The following MATK variants were observed in gnomAD, a reference collection of about 807,000 sequenced individuals.
MATK encodes the protein megakaryocyte-associated tyrosine kinase, also known as megakaryocyte-associated tyrosine-protein kinase.
A neutral mutation model predicts 59.8 loss-of-function variants in MATK; 41 were observed. The ratio of observed to expected loss-of-function variants is 0.69; its 90% confidence interval spans 0.53 to 0.89. The LOEUF (loss-of-function observed/expected upper bound fraction) is 0.89, where lower values mean the gene tolerates loss of function less well. Among genes scored for constraint, MATK ranks in the 40% least tolerant of loss-of-function variants. MATK has a pLI of 0.00. For missense variants in MATK, 593 were observed against 719.6 expected, an observed-to-expected ratio of 0.82 and a Z score of 2.01; for synonymous variants, 308 against 306.1, an observed-to-expected ratio of 1.01 and a Z score of -0.06.
At chr19:3,796,562 G>A (rs1035135845) in intron 1 of MATK, among the ~76,000 whole-genome samples, 2 of 152,076 alleles carry the variant, frequency 1.3e-5, no homozygotes, top group African/African-American at 2.4e-5. Context: ...TTATTTCCCT[G>A]GAGTTAGTCA....
intron 8 of MATK, among the ~76,000 whole-genome samples, chr19:3,780,007 G>T (rs950416359): frequency 4.6e-5 from 7 of 152,204 alleles, no homozygotes; most frequent in African/African-American, 1.7e-4. Context: ...TGGCTCTGGC[G>T]CGGTGGCTCA....
At chr19:3,783,744 G>T in intron 6 of MATK, 70 bp downstream of exon 6, 6 of 1,434,310 alleles carry the variant, frequency 4.2e-6, no homozygotes, top group Middle Eastern at 2.2e-4. Context: ...CTATCTCTAC[G>T]TAGGGGAGTC....
intron 1 of MATK, among the ~76,000 whole-genome samples, chr19:3,793,991 C>T (rs1433420948): frequency 6.6e-6 from 1 of 152,202 alleles, no homozygotes; most frequent in African/African-American, 2.4e-5. Flanking sequence ...CCAGCTTCTC[C>T]CTTGTCTCCC....
intron 1 of MATK, among the ~76,000 whole-genome samples, chr19:3,794,486 T>C (rs976093661): frequency 6.6e-6 from 1 of 151,994 alleles, no homozygotes; most frequent in Non-Finnish European, 1.5e-5. Flanking sequence ...AGACCCTGTC[T>C]CTACAAAAAA....
At chr19:3,795,837 C>T (rs1041023653) in intron 1 of MATK, among the ~76,000 whole-genome samples, 10 of 140,130 alleles carry the variant, frequency 7.1e-5, no homozygotes, top group African/African-American at 2.6e-4. Flanking sequence ...TCTTGGCTCA[C>T]TGCATCCTCC....
chr19:3,780,613 T>A (rs923594879), intron 8 of MATK, among the ~76,000 whole-genome samples: 15 of 136,096 alleles, frequency 1.1e-4, no homozygotes, highest in Admixed American at 1.5e-4. Context: ...TTTTTTTTTT[T>A]AGTAGAGATG....
chr19:3,792,673 A>G (rs2145112788), intron 1 of MATK, among the ~76,000 whole-genome samples: 1 of 152,154 alleles, frequency 6.6e-6, no homozygotes, highest in Middle Eastern at 3.4e-3. Context: ...GCCAGCCACC[A>G]TGCCCGGCTA....
At chr19:3,792,305 A>G (rs1446419136) in intron 1 of MATK, among the ~76,000 whole-genome samples, 2 of 152,074 alleles carry the variant, frequency 1.3e-5, no homozygotes, top group East Asian at 3.9e-4. Flanking sequence ...GGCAATAAAC[A>G]TAGTAGGTGA....
chr19:3,794,998 G>A (rs1158161047), intron 1 of MATK, among the ~76,000 whole-genome samples: 1 of 92,602 alleles, frequency 1.1e-5, no homozygotes, highest in Non-Finnish European at 2.1e-5. Context: ...TTTTTTTTGA[G>A]CTGGAGTCTC....
At chr19:3,795,610 C>T (rs1322371947) in intron 1 of MATK, among the ~76,000 whole-genome samples, 1 of 151,866 alleles carries the variant, frequency 6.6e-6, no homozygotes. Context: ...ATTCCATTTT[C>T]CTCCAACTAT....
chr19:3,795,059 G>A (rs148252749), intron 1 of MATK, among the ~76,000 whole-genome samples: 1,373 of 128,382 alleles, frequency 0.011, 9 homozygotes, highest in Non-Finnish European at 0.015. Context: ...CTCACTGCAC[G>A]CTCCACCTCC....
At chr19:3,788,000 C>A (rs1357293936), upstream of MATK, among the ~76,000 whole-genome samples, 1 of 150,854 alleles carries the variant, frequency 6.6e-6, no homozygotes, top group Non-Finnish European at 1.5e-5. Flanking sequence ...TGGGCTCAAG[C>A]GAACCTCCTG....
At chr19:3,786,784 A>G (rs995702676), upstream of MATK, among the ~76,000 whole-genome samples, 1 of 152,200 alleles carries the variant, frequency 6.6e-6, no homozygotes, top group Non-Finnish European at 1.5e-5. This position sits in a 1 kb window ranked among gnomAD's most constrained non-coding sequence, Gnocchi z 4.1. Flanking sequence ...GCCGCTATCA[A>G]TATCATTATC....
At chr19:3,791,090 G>C (rs2037537057), upstream of MATK, among the ~76,000 whole-genome samples, 3 of 152,140 alleles carry the variant, frequency 2.0e-5, no homozygotes, top group South Asian at 4.1e-4. Context: ...TTCTTCCCGA[G>C]GGGGTTCTGC....
rs765718955 is a variant in MATK at position 3,779,425 on chromosome 19, G to A, written c.954C>T (p.Thr318=). 1 of 1,613,276 alleles carries A rather than the reference G, an allele frequency of 6.2e-7. No individual in the cohort carries two copies. The highest frequency in any genetic ancestry group is 1.1e-5 in the South Asian group (1 of 91,090). ...SKGNLVNFLR[T]RGRALVNTAQ... ...CGGTGTTCACGAGGGCTCGACCCCG[G>A]GTCCGCAGAAAGTTCACCAGGTTGC... Residue 318 remains threonine, a synonymous_variant, in exon 11 of 14, where the codon ACC becomes ACT. Coordinates refer to ENST00000310132, the MANE Select transcript of MATK (RefSeq NM_139355.3).
At chr19:3,786,538 A>T (rs1266994017), upstream of MATK, 1 of 254,460 alleles carries the variant, frequency 3.9e-6, no homozygotes, top group African/African-American at 3.2e-5. This position sits in a 1 kb window ranked among gnomAD's most constrained non-coding sequence, Gnocchi z 4.1. Flanking sequence ...CCCCCCACCC[A>T]CCCTGGGAAG....
chr19:3,789,130 G>A, upstream of MATK: 1 of 560,224 alleles, frequency 1.8e-6, no homozygotes, highest in East Asian at 3.0e-5. Context: ...TCCCCAGAAA[G>A]GGCTGGGGAC....
upstream of MATK, among the ~76,000 whole-genome samples, chr19:3,786,591 G>A (rs2037489139): frequency 6.6e-6 from 1 of 150,922 alleles, no homozygotes; most frequent in Non-Finnish European, 1.5e-5. This position sits in a 1 kb window ranked among gnomAD's most constrained non-coding sequence, Gnocchi z 4.1. Context: ...AGTGCGCGCG[G>A]CGGGGACCGG....
rs576143728 is a variant in MATK at position 3,784,727 on chromosome 19, G to A, written c.132+98C>T. ...AGGCCGAGGCCAGCAGAAGGGGGTA[G>A]GGGGCAGAGAGTACAGCCCTTCAGG... On this transcript the variant is annotated intron_variant, in intron 3 of 13. Transcript: ENST00000310132. 4.1e-5 allele frequency: 34 copies of A among 826,012 alleles called. No homozygotes were observed. The East Asian group carries it at 8.5e-4, about 21-fold the overall frequency. The allele number at this position is 826,012 out of a possible 1,614,324, so 51.2% of individuals were successfully genotyped here.
Sources: gnomAD v4.1 joint callset for allele counts (sites outside exome capture counted in the v4.1 genomes callset) on GRCh38, gnomAD v4.1.1 for gene constraint, Gnocchi (gnomAD v3.1) non-coding constraint, MANE v1.5 for transcripts, NCBI Gene and HGNC (gene_info 2026-07-23, HGNC 2026-07-21) for gene names.